MYO16: variants seen among roughly 807,000 people sequenced by gnomAD.
MYO16 encodes the protein unconventional myosin-XVI.
Under a neutral mutation model 205.3 loss-of-function variants are expected in MYO16, and 94 were observed. That is an observed-to-expected ratio of 0.46 (90% CI 0.39 to 0.54). The LOEUF (loss-of-function observed/expected upper bound fraction) is 0.54, where lower values mean the gene tolerates loss of function less well. Among genes scored for constraint, MYO16 ranks in the 20% least tolerant of loss-of-function variants. The pLI is 0.00. For missense variants in MYO16, 2,315 were observed against 2,387.5 expected, an observed-to-expected ratio of 0.97 and a Z score of 0.63; for synonymous variants, 988 against 954.0, an observed-to-expected ratio of 1.04 and a Z score of -0.66.
intron 16 of MYO16, among the ~76,000 whole-genome samples, chr13:108,915,188 A>C (rs1261699828): frequency 6.6e-6 from 1 of 152,234 alleles, no homozygotes; most frequent in Non-Finnish European, 1.5e-5. Context: ...GCTTAGCTGC[A>C]TGAAAACAGT....
chr13:108,551,005 C>A, the MYO16 span, among the ~76,000 whole-genome samples: 5 of 152,066 alleles, frequency 3.3e-5, no homozygotes, highest in Non-Finnish European at 5.9e-5. Flanking sequence ...TTTATAGAAA[C>A]TTCTTCCTTT....
chr13:108,633,005 A>G (rs1880057223), intron 1 of MYO16, among the ~76,000 whole-genome samples: 1 of 152,052 alleles, frequency 6.6e-6, no homozygotes, highest in African/African-American at 2.4e-5. Context: ...CAATAACTAC[A>G]CCTGACCTAT....
At chr13:109,074,601 A>G (rs1380262106) in intron 27 of MYO16, among the ~76,000 whole-genome samples, 1 of 152,104 alleles carries the variant, frequency 6.6e-6, no homozygotes, top group East Asian at 1.9e-4. Flanking sequence ...TCTCGTGAGA[A>G]CTCAACATCA....
At chr13:108,535,706 G>A in the MYO16 span, among the ~76,000 whole-genome samples, 4 of 152,154 alleles carry the variant, frequency 2.6e-5, no homozygotes, top group East Asian at 1.9e-4. Flanking sequence ...AATGGAATAT[G>A]TAGTCTTTTT....
At chr13:108,815,498 G>T (rs1247347314) in intron 7 of MYO16, among the ~76,000 whole-genome samples, 3 of 152,104 alleles carry the variant, frequency 2.0e-5, no homozygotes, top group Non-Finnish European at 4.4e-5. Context: ...GATGGTGGAA[G>T]GGGAGGGACC....
chr13:108,966,118 CTG>C (rs1019900882), intron 20 of MYO16, among the ~76,000 whole-genome samples: 2 of 152,094 alleles, frequency 1.3e-5, no homozygotes, highest in African/African-American at 4.8e-5. Flanking sequence ...ATTCAATAGT[CTG>C]TGATTTGAGA....
chr13:108,509,385 G>T, the MYO16 span, among the ~76,000 whole-genome samples: 2 of 152,150 alleles, frequency 1.3e-5, no homozygotes, highest in Admixed American at 1.3e-4. Context: ...AAAAATGAAA[G>T]AATTCATAAT....
chr13:108,901,553 T>G (rs1880709049), intron 15 of MYO16, among the ~76,000 whole-genome samples: 1 of 152,114 alleles, frequency 6.6e-6, no homozygotes, highest in Non-Finnish European at 1.5e-5. Context: ...TCAATATAAT[T>G]TCAGACTTGC....
At chr13:108,615,069 C>A (rs745321574) in intron 1 of MYO16, among the ~76,000 whole-genome samples, 5 of 151,950 alleles carry the variant, frequency 3.3e-5, no homozygotes, top group African/African-American at 4.8e-5. Flanking sequence ...TGATATAGGA[C>A]TTTTTTCTAA....
At chr13:109,065,150 T>A (rs774093014) in intron 27 of MYO16, among the ~76,000 whole-genome samples, 1 of 152,154 alleles carries the variant, frequency 6.6e-6, no homozygotes, top group Non-Finnish European at 1.5e-5. Flanking sequence ...TAGCCCAGAC[T>A]TTTTACCCAC....
intron 1 of MYO16, among the ~76,000 whole-genome samples, chr13:108,636,870 T>A (rs1292854650): frequency 6.6e-6 from 1 of 152,218 alleles, no homozygotes; most frequent in East Asian, 1.9e-4. Flanking sequence ...ATTATAGGAA[T>A]CTTATATTAC....
chr13:108,937,835 A>G lies in MYO16; in HGVS notation c.1926-19853A>G, dbSNP rs559567444. ...ATTTTCAACCTTGTCTTGGATCTCA[A>G]TAAGCTTCCTTGCAATCCATGCTTT... is the stretch of plus-strand genomic sequence containing the variant. On this transcript the variant is annotated intron_variant, in intron 16 of 34. Coordinates refer to ENST00000457511, the MANE Select transcript of MYO16 (RefSeq NM_001198950.3). 2.0e-4 allele frequency among the ~76,000 whole-genome samples: 30 copies of G among 152,254 alleles called. No homozygotes were observed. In the South Asian group the frequency reaches 4.6e-3, roughly 23 times the overall value.
intron 13 of MYO16, among the ~76,000 whole-genome samples, chr13:108,887,257 G>T (rs1432627141): frequency 6.6e-6 from 1 of 152,114 alleles, no homozygotes; most frequent in African/African-American, 2.4e-5. Flanking sequence ...ACAAGTGAGT[G>T]GAAGCATCCA....
At chr13:108,980,756 G>T (rs1176304497) in intron 20 of MYO16, among the ~76,000 whole-genome samples, 1 of 152,188 alleles carries the variant, frequency 6.6e-6, no homozygotes, top group African/African-American at 2.4e-5. Flanking sequence ...GCATCTTTAT[G>T]TGTGGAGGTG....
chr13:108,903,506 A>T (rs1880813742), intron 15 of MYO16, among the ~76,000 whole-genome samples: 1 of 152,142 alleles, frequency 6.6e-6, no homozygotes, highest in African/African-American at 2.4e-5. Context: ...GAGGATGAAG[A>T]CTTCAATATG....
At chr13:108,971,333 GGT>G (rs1197739437) in intron 20 of MYO16, among the ~76,000 whole-genome samples, 3 of 115,002 alleles carry the variant, frequency 2.6e-5, no homozygotes, top group Admixed American at 1.1e-4. Context: ...TGAATAAAAT[GGT>G]GTGTGTGTGT....
intron 29 of MYO16, among the ~76,000 whole-genome samples, chr13:109,122,454 G>A (rs1322677705): frequency 3.9e-5 from 6 of 152,136 alleles, no homozygotes; most frequent in African/African-American, 1.2e-4. Context: ...CGAGGCAGGC[G>A]GATCACCTGT....
At chr13:108,918,581 C>T (rs1030933139) in intron 16 of MYO16, among the ~76,000 whole-genome samples, 11 of 152,212 alleles carry the variant, frequency 7.2e-5, no homozygotes, top group Non-Finnish European at 1.0e-4. Flanking sequence ...GGCCTATCTC[C>T]AGCAGTCCTG....
the MYO16 span, among the ~76,000 whole-genome samples, chr13:108,501,014 C>T: frequency 1.3e-5 from 2 of 152,162 alleles, no homozygotes; most frequent in Non-Finnish European, 2.9e-5. Context: ...TATTCATCCC[C>T]CTGTACACTG....
Sources: gnomAD v4.1 joint callset for allele counts (sites outside exome capture counted in the v4.1 genomes callset) on GRCh38, gnomAD v4.1.1 for gene constraint, MANE v1.5 for transcripts, NCBI Gene and HGNC (gene_info 2026-07-23, HGNC 2026-07-21) for gene names.